The following PLEKHA8 variants were observed in gnomAD, a reference collection of about 807,000 sequenced individuals.
PLEKHA8 encodes pleckstrin homology domain containing A8, also known as pleckstrin homology domain-containing family A member 8.
A neutral mutation model predicts 68.2 loss-of-function variants in PLEKHA8; 36 were observed. The observed-to-expected ratio is 0.53, with a 90% CI of 0.40 to 0.70. The LOEUF is 0.70. Ranked by LOEUF, PLEKHA8 falls within the 30% of genes least tolerant of loss-of-function variation. The probability of loss-of-function intolerance (pLI) is 0.00; values close to 1 mark genes in which losing one functional copy is unlikely to be tolerated. For missense variants in PLEKHA8, 505 were observed against 615.4 expected (o/e 0.82, Z 1.90); for synonymous variants, 211 against 216.1 (o/e 0.98, Z 0.20).
intron 13 of PLEKHA8, among the ~76,000 whole-genome samples, chr7:30,117,288 T>C (rs571065762): frequency 6.6e-6 from 1 of 152,348 alleles, no homozygotes; most frequent in African/African-American, 2.4e-5. Context: ...AAGTTAGCAC[T>C]ATACAATGTC....
intron 6 of PLEKHA8, among the ~76,000 whole-genome samples, chr7:30,052,499 G>C (rs1792494789): frequency 6.6e-6 from 1 of 152,068 alleles, no homozygotes; most frequent in Non-Finnish European, 1.5e-5. Flanking sequence ...AGCCGGGCAT[G>C]GTGGCAGGCA....
chr7:30,104,950 T>C (rs1005270181), intron 13 of PLEKHA8, among the ~76,000 whole-genome samples: 1 of 152,010 alleles, frequency 6.6e-6, no homozygotes. Flanking sequence ...CTCGAACTCC[T>C]GAACTCAGGT....
downstream of PLEKHA8, among the ~76,000 whole-genome samples, chr7:30,094,101 T>A (rs562521692): frequency 1.3e-5 from 2 of 152,358 alleles, no homozygotes; most frequent in African/African-American, 4.8e-5. Flanking sequence ...TAATTCCTTT[T>A]CAGCTCACTC....
chr7:30,105,228 T>C (rs1319022139), intron 13 of PLEKHA8, among the ~76,000 whole-genome samples: 1 of 150,582 alleles, frequency 6.6e-6, no homozygotes, highest in Non-Finnish European at 1.5e-5. Flanking sequence ...TCTGGCACTT[T>C]GGGAAGCCTA....
Position 30,046,266 on chromosome 7 carries a change from T to C in PLEKHA8, c.214T>C (p.Tyr72His). Residue 72 changes from tyrosine to histidine, a missense_variant, in exon 3 of 14, where the codon TAC becomes CAC. By Grantham distance (83) the Tyr-to-His change is moderately conservative. Transcript: ENST00000449726. The part of the protein sequence containing the change: ...DLIIPGEQYF[Y>H]LKARSVAERQ... ...GATAATCCCTGGGGAACAGTATTTC[T>C]ACCTGAAGGCCAGAAGTGTGGCTGA... 1.2e-6 allele frequency: 2 copies of C among 1,613,962 alleles called. No individual in the cohort carries two copies. The highest frequency in any genetic ancestry group is 1.7e-6 in the Non-Finnish European group (2 of 1,179,882).
chr7:30,120,811 T>C (rs568773066), intron 13 of PLEKHA8, among the ~76,000 whole-genome samples: 32 of 152,338 alleles, frequency 2.1e-4, no homozygotes, highest in African/African-American at 7.5e-4. Context: ...ACACCGTAAG[T>C]AGGTTTCTGA....
intron 13 of PLEKHA8, among the ~76,000 whole-genome samples, chr7:30,125,359 G>T (rs909209222): frequency 1.3e-5 from 2 of 152,190 alleles, no homozygotes; most frequent in East Asian, 1.9e-4. Flanking sequence ...TATTGGGGTA[G>T]TAAATGCATT....
intron 1 of PLEKHA8, 145 bp downstream of exon 1, chr7:30,028,947 T>G: frequency 1.0e-6 from 1 of 967,524 alleles, no homozygotes; most frequent in Non-Finnish European, 1.3e-6. Context: ...CCCAAAGCAG[T>G]TCTCTCACGG....
intron 1 of PLEKHA8, among the ~76,000 whole-genome samples, chr7:30,040,970 C>T (rs1173544596): frequency 6.6e-6 from 1 of 152,192 alleles, no homozygotes; most frequent in African/African-American, 2.4e-5. Flanking sequence ...CAACAGTTTT[C>T]ATCTGCCCTT....
intron 13 of PLEKHA8, among the ~76,000 whole-genome samples, chr7:30,112,687 C>CCTGGGTGACAGACCCAGACCCAGT (rs1796310054): frequency 1.3e-5 from 2 of 151,244 alleles, no homozygotes; most frequent in Admixed American, 6.6e-5. Flanking sequence ...TGCACTCCAG[C>CCTGGGTGACAGACCCAGACCCAGT]CTGGGTGACA....
chr7:30,039,332 A>G (rs545090297), intron 1 of PLEKHA8, among the ~76,000 whole-genome samples: 2 of 152,240 alleles, frequency 1.3e-5, no homozygotes, highest in African/African-American at 4.8e-5. Flanking sequence ...CTGGCCAACA[A>G]GATGAAAGCC....
chr7:30,117,285 C>T (rs987723854), intron 13 of PLEKHA8, among the ~76,000 whole-genome samples: 2 of 152,200 alleles, frequency 1.3e-5, no homozygotes, highest in Non-Finnish European at 2.9e-5. Context: ...CTTAAGTTAG[C>T]ACTATACAAT....
chr7:30,056,366 T>C (rs1792924181), intron 9 of PLEKHA8, among the ~76,000 whole-genome samples: 1 of 141,388 alleles, frequency 7.1e-6, no homozygotes, highest in South Asian at 2.2e-4. Context: ...AACACATATA[T>C]ATATAAATAA....
In PLEKHA8 at chr7:30,083,371, A is replaced by T; in HGVS notation, c.*4584A>T. On this transcript the variant is annotated 3_prime_UTR_variant, in exon 14 of 14. Transcript: ENST00000449726. The stretch of plus-strand genomic sequence containing the variant: ...GTCTAATGGTATTTTAAGACTGTTT[A>T]TCTGTATCACAACGTCATTAGGAGT... 1 of 984,038 alleles carries T rather than the reference A, an allele frequency of 1.0e-6. No homozygotes were observed. Among genetic ancestry groups the T allele is most frequent in the Non-Finnish European group, 1.2e-6 (1 of 828,664 alleles). 61.0% of individuals were successfully genotyped at this position (984,038 alleles called of 1,614,324 possible). A position where few individuals can be genotyped will look rare whatever the true frequency, so the allele number is the denominator to read the frequency against.
intron 12 of PLEKHA8, among the ~76,000 whole-genome samples, chr7:30,063,608 C>CCT (rs972405177): frequency 1.3e-5 from 2 of 152,100 alleles, no homozygotes; most frequent in African/African-American, 4.8e-5. Flanking sequence ...TTCTGTTAGT[C>CCT]CTCTCTCTGG....
chr7:30,037,189 TATG>T (rs1295066886), intron 1 of PLEKHA8, among the ~76,000 whole-genome samples: 4 of 152,366 alleles, frequency 2.6e-5, no homozygotes, highest in East Asian at 1.9e-4. Context: ...TAATATATGA[TATG>T]ATAATATATA....
At chr7:30,106,971 T>G (rs923028889) in intron 13 of PLEKHA8, among the ~76,000 whole-genome samples, 3 of 152,208 alleles carry the variant, frequency 2.0e-5, no homozygotes, top group Non-Finnish European at 4.4e-5. Context: ...TACCAGGGTT[T>G]GACTATATAG....
intron 13 of PLEKHA8, among the ~76,000 whole-genome samples, chr7:30,112,480 C>A (rs1796304974): frequency 6.6e-6 from 1 of 151,404 alleles, no homozygotes; most frequent in African/African-American, 2.4e-5. Context: ...AGTGTGACTA[C>A]AATACATAAT....
At position 30,037,457 on chromosome 7, in the gene PLEKHA8, T is replaced by G. The variant is rs1791188889; in HGVS notation, c.41-7628T>G. Among the ~76,000 whole-genome samples, 6 of 152,198 alleles carry G rather than the reference T, an allele frequency of 3.9e-5. No individual in the cohort carries two copies. The South Asian group carries it at 1.2e-3, about 31-fold the overall frequency. The stretch of plus-strand genomic sequence containing the variant: ...TACCTGGCAGTTACTATCTCTTGAA[T>G]CAGATTCTGGGAAAGATGGGAGTTT... On this transcript the variant is annotated intron_variant, in intron 1 of 13. Transcript: ENST00000449726.
Sources: gnomAD v4.1 joint callset for allele counts (sites outside exome capture counted in the v4.1 genomes callset) on GRCh38, gnomAD v4.1.1 for gene constraint, MANE v1.5 for transcripts, NCBI Gene and HGNC (gene_info 2026-07-23, HGNC 2026-07-21) for gene names.